Variants in DAB1 observed in about 807,000 individuals in gnomAD.
The protein encoded by DAB1 is disabled homolog 1.
A neutral mutation model predicts 64.6 loss-of-function variants in DAB1; 15 were observed. The observed-to-expected ratio is 0.23, with a 90% CI of 0.16 to 0.36. The LOEUF is 0.36. DAB1 is among the 10% of genes least tolerant of loss of function. The probability of loss-of-function intolerance (pLI) is 1.00; values close to 1 mark genes in which losing one functional copy is unlikely to be tolerated. For synonymous variants in DAB1, 235 were observed against 251.9 expected (o/e 0.93, Z 0.64); for missense variants, 596 against 706.7 (o/e 0.84, Z 1.78).
chr1:57,971,936 A>T (rs1362699414), intron 5 of DAB1, among the ~76,000 whole-genome samples: 1 of 152,148 alleles, frequency 6.6e-6, no homozygotes, highest in Non-Finnish European at 1.5e-5. Flanking sequence ...ATATCTCCCA[A>T]ATTGTGGGCT....
intron 7 of DAB1, among the ~76,000 whole-genome samples, chr1:57,616,339 G>A (rs767297213): frequency 6.6e-6 from 1 of 152,040 alleles, no homozygotes; most frequent in Non-Finnish European, 1.5e-5. Flanking sequence ...ATTTTCCTCA[G>A]TCACTCTCAA....
At chr1:57,069,284 G>C (rs1370736705) in intron 8 of DAB1, 76 bp downstream of exon 8, 2 of 1,229,238 alleles carry the variant, frequency 1.6e-6, no homozygotes, top group South Asian at 2.4e-5. Context: ...CAGAACCCTT[G>C]GTTCTTTAGA....
chr1:58,019,129 T>G (rs796606128), intron 5 of DAB1, among the ~76,000 whole-genome samples: 8 of 152,290 alleles, frequency 5.3e-5, no homozygotes, highest in African/African-American at 1.9e-4. Flanking sequence ...CTAAGATTAC[T>G]CCCAGCTCTA....
chr1:57,439,289 G>A (rs898510124), intron 7 of DAB1, among the ~76,000 whole-genome samples: 11 of 152,084 alleles, frequency 7.2e-5, no homozygotes, highest in African/African-American at 2.7e-4. Flanking sequence ...ACATCACCAA[G>A]TCATTGCCTA....
chr1:57,431,280 A>T (rs974595400), intron 7 of DAB1, among the ~76,000 whole-genome samples: 4 of 151,870 alleles, frequency 2.6e-5, no homozygotes, highest in African/African-American at 9.7e-5. Context: ...TATCTGCCAC[A>T]ATCAGAATTT....
intron 2 of DAB1, among the ~76,000 whole-genome samples, chr1:57,151,004 A>G (rs1182655307): frequency 6.6e-6 from 1 of 152,148 alleles, no homozygotes; most frequent in Non-Finnish European, 1.5e-5. Flanking sequence ...GAAATTTAAA[A>G]AACCCTGGCA....
intron 7 of DAB1, among the ~76,000 whole-genome samples, chr1:57,603,165 G>A (rs1179107819): frequency 6.6e-6 from 1 of 152,082 alleles, no homozygotes; most frequent in Non-Finnish European, 1.5e-5. Context: ...AGAGAGGGGG[G>A]TTTCTCCATG....
At chr1:58,150,315 C>G (rs1654847953) in intron 5 of DAB1, among the ~76,000 whole-genome samples, 1 of 152,166 alleles carries the variant, frequency 6.6e-6, no homozygotes, top group Admixed American at 6.5e-5. Context: ...GCCTACAAAA[C>G]CCAGAAGCAG....
intron 2 of DAB1, among the ~76,000 whole-genome samples, chr1:57,214,295 C>A (rs1228711031): frequency 6.6e-6 from 1 of 152,154 alleles, no homozygotes; most frequent in African/African-American, 2.4e-5. Flanking sequence ...ATGGCCTAAT[C>A]ACCTCCTAAA....
intron 6 of DAB1, among the ~76,000 whole-genome samples, chr1:57,804,833 T>TA (rs1651287612): frequency 6.6e-6 from 1 of 152,218 alleles, no homozygotes; most frequent in South Asian, 2.1e-4. Flanking sequence ...TATATATTTT[T>TA]AAAGCTATGA....
chr1:57,053,994 G>A (rs1252523289), intron 9 of DAB1, among the ~76,000 whole-genome samples: 1 of 151,948 alleles, frequency 6.6e-6, no homozygotes, highest in African/African-American at 2.4e-5. Flanking sequence ...GCCTAAGAAA[G>A]TCTTTTGAAG....
intron 2 of DAB1, among the ~76,000 whole-genome samples, chr1:57,253,410 T>G (rs1016365656): frequency 6.6e-6 from 1 of 152,170 alleles, no homozygotes; most frequent in African/African-American, 2.4e-5. Flanking sequence ...GTGTCTGATT[T>G]GCAGTTGGCT....
intron 4 of DAB1, among the ~76,000 whole-genome samples, chr1:58,179,449 T>G (rs1656661224): frequency 2.0e-5 from 3 of 152,158 alleles, no homozygotes; most frequent in Admixed American, 2.0e-4. Flanking sequence ...AATTCGCCAG[T>G]AAAGCCATCT....
intron 2 of DAB1, among the ~76,000 whole-genome samples, chr1:57,283,067 A>G (rs1672040368): frequency 6.6e-6 from 1 of 152,234 alleles, no homozygotes; most frequent in East Asian, 1.9e-4. Flanking sequence ...GGCAACTCAG[A>G]CAGACAAGCC....
intron 3 of DAB1, among the ~76,000 whole-genome samples, chr1:58,498,142 A>AT (rs1294709889): frequency 1.3e-5 from 2 of 152,170 alleles, no homozygotes; most frequent in Non-Finnish European, 2.9e-5. Flanking sequence ...ATACTGTTCA[A>AT]TATCAGTGGG....
intron 1 of DAB1, among the ~76,000 whole-genome samples, chr1:57,410,123 A>G (rs1683991323): frequency 6.6e-6 from 1 of 152,236 alleles, no homozygotes; most frequent in African/African-American, 2.4e-5. Flanking sequence ...ACAGGACAGA[A>G]AAGGATAAGA....
intron 7 of DAB1, among the ~76,000 whole-genome samples, chr1:57,511,383 C>A (rs1644403582): frequency 1.3e-5 from 2 of 152,220 alleles, no homozygotes; most frequent in African/African-American, 2.4e-5. Context: ...CTGTTTCCCA[C>A]CCCTGGGCCT....
chr1:57,530,137 T>C (rs746896212), intron 7 of DAB1, among the ~76,000 whole-genome samples: 8 of 152,160 alleles, frequency 5.3e-5, no homozygotes, highest in Non-Finnish European at 1.2e-4. Flanking sequence ...GCAAATACTT[T>C]GATGCAAATT....
At chr1:57,649,957 C>T (rs1038576360) in intron 6 of DAB1, among the ~76,000 whole-genome samples, 2 of 152,206 alleles carry the variant, frequency 1.3e-5, no homozygotes, top group Non-Finnish European at 2.9e-5. Flanking sequence ...CATATCTACA[C>T]ATACACAAAA....
Sources: gnomAD v4.1 joint callset for allele counts (sites outside exome capture counted in the v4.1 genomes callset) on GRCh38, gnomAD v4.1.1 for gene constraint, MANE v1.5 for transcripts, NCBI Gene and HGNC (gene_info 2026-07-23, HGNC 2026-07-21) for gene names.